INSYN2A: variants seen among roughly 807,000 people sequenced by gnomAD.
The protein encoded by INSYN2A is inhibitory synaptic factor 2A.
A neutral mutation model predicts 39.4 loss-of-function variants in INSYN2A; 17 were observed. The ratio of observed to expected loss-of-function variants is 0.43; its 90% CI spans 0.30 to 0.65. The LOEUF (loss-of-function observed/expected upper bound fraction) is 0.65, where lower values mean the gene tolerates loss of function less well. Ranked by LOEUF, INSYN2A falls within the 30% of genes least tolerant of loss-of-function variation. The pLI is 0.14. For missense variants in INSYN2A, 595 were observed against 631.2 expected (o/e 0.94, Z 0.61); for synonymous variants, 255 against 265.7 (o/e 0.96, Z 0.39).
intron 5 of INSYN2A, among the ~76,000 whole-genome samples, chr10:127,140,152 A>G (rs1434272266): frequency 6.6e-6 from 1 of 152,234 alleles, no homozygotes; most frequent in African/African-American, 2.4e-5. Flanking sequence ...TCCTAGGCTA[A>G]CAGTACAATT....
chr10:127,181,752 G>A (rs994882702), intron 2 of INSYN2A, among the ~76,000 whole-genome samples: 4 of 152,118 alleles, frequency 2.6e-5, no homozygotes, highest in Admixed American at 1.3e-4. Context: ...GGCTTCCACC[G>A]GAAGGGGAGG....
intron 4 of INSYN2A, among the ~76,000 whole-genome samples, chr10:127,171,943 G>A (rs2054611245): frequency 6.6e-6 from 1 of 152,162 alleles, no homozygotes; most frequent in Admixed American, 6.5e-5. Flanking sequence ...GACCTCAAGT[G>A]ATCCACTCGC....
intron 1 of INSYN2A, among the ~76,000 whole-genome samples, chr10:127,193,427 C>T (rs115976163): frequency 2.5e-4 from 38 of 152,276 alleles, no homozygotes; most frequent in African/African-American, 8.9e-4. Flanking sequence ...TGCCCTCCTA[C>T]GTAAATATCT....
Position 127,196,379 on chromosome 10 carries a change from C to T in INSYN2A, c.-777G>A, listed in dbSNP as rs2057150940. Among the ~76,000 whole-genome samples the T allele has an allele frequency of 6.7e-6, 1 of 148,888 alleles. No homozygotes were observed. Among genetic ancestry groups the T allele is most frequent in the East Asian group, 2.0e-4 (1 of 5,104 alleles). On this transcript the variant is annotated 5_prime_UTR_variant, in exon 1 of 6. Coordinates refer to ENST00000522781, the MANE Select transcript of INSYN2A (RefSeq NM_001039762.3). ...CACAGCCACCCGGCTTCGCGCTCCT[C>T]CGATGTCCTCATTTACTGCAATTGT...
At chr10:127,146,461 T>G (rs2051862925) in intron 5 of INSYN2A, among the ~76,000 whole-genome samples, 2 of 152,266 alleles carry the variant, frequency 1.3e-5, no homozygotes, top group Non-Finnish European at 2.9e-5. Flanking sequence ...AGAAAAAACT[T>G]GGATTATTAG....
At chr10:127,144,149 C>G (rs1432294326) in intron 5 of INSYN2A, among the ~76,000 whole-genome samples, 1 of 152,170 alleles carries the variant, frequency 6.6e-6, no homozygotes, top group Non-Finnish European at 1.5e-5. Context: ...AGCTTAGTCT[C>G]CCTCACTCTC....
At position 127,175,952 on chromosome 10, in the gene INSYN2A, T is replaced by C; in HGVS notation, c.444A>G (p.Lys148=). Residue 148 remains lysine (K), a synonymous_variant, in exon 4 of 6, where the codon AAA becomes AAG. Coordinates refer to ENST00000522781, the MANE Select transcript of INSYN2A (RefSeq NM_001039762.3). This position sits in a 1 kb window ranked among gnomAD's most constrained non-coding sequence, Gnocchi z 6.3. ...SQNNGFLTDA[K]EKNEAGPMEE... ...CCATGGGTCCAGCCTCGTTCTTCTCTTTCGCATCTGTTAGAAACCCATTGT... is the reference window on the plus strand; with the variant it reads ...CCATGGGTCCAGCCTCGTTCTTCTCCTTCGCATCTGTTAGAAACCCATTGT... 6.2e-7 allele frequency: 1 copy of C among 1,614,220 alleles called. No homozygotes were observed. Among genetic ancestry groups the C allele is most frequent in the South Asian group, 1.1e-5 (1 of 91,088 alleles).
chr10:127,176,222 C>T lies in INSYN2A; in HGVS notation c.174G>A (p.Glu58=). ...CCGAGGACAGCTGTGTGTCCCTCTG[C>T]TCATTCTGTGCCTCGCAGATATCCT... ...RFKDICEAQN[E]QRDTQLSSGQ... Residue 58 remains glutamate (E), a synonymous_variant, in exon 4 of 6, where the codon GAG becomes GAA. Transcript: ENST00000522781. This position sits in a 1 kb window ranked among gnomAD's most constrained non-coding sequence, Gnocchi z 4.4. The T allele has an allele frequency of 1.2e-6, 2 of 1,614,170 alleles. No individual in the cohort carries two copies. Among genetic ancestry groups the T allele is most frequent in the Non-Finnish European group, 1.7e-6 (2 of 1,180,032 alleles).
At chr10:127,182,296 A>C (rs1245508711) in intron 2 of INSYN2A, among the ~76,000 whole-genome samples, 1 of 152,118 alleles carries the variant, frequency 6.6e-6, no homozygotes, top group Non-Finnish European at 1.5e-5. Flanking sequence ...TTTAGAAAAC[A>C]CTCTTAACGA....
At chr10:127,184,916 C>T (rs2056087058) in intron 2 of INSYN2A, among the ~76,000 whole-genome samples, 1 of 152,326 alleles carries the variant, frequency 6.6e-6, no homozygotes, top group African/African-American at 2.4e-5. Context: ...AGGCACCATA[C>T]TGGATGCTGG....
At chr10:127,164,434 C>T (rs1040785612) in intron 4 of INSYN2A, among the ~76,000 whole-genome samples, 2 of 152,012 alleles carry the variant, frequency 1.3e-5, no homozygotes, top group African/African-American at 2.4e-5. Flanking sequence ...CCACCCGCCT[C>T]GGCCTCCCAG....
chr10:127,142,607 C>G (rs1001967128), intron 5 of INSYN2A, among the ~76,000 whole-genome samples: 3 of 152,154 alleles, frequency 2.0e-5, no homozygotes, highest in Non-Finnish European at 4.4e-5. Context: ...GTAGATTTTG[C>G]TGGGTGAGAA....
rs997881019 is a variant in INSYN2A, at chr10:127,195,842, C to T, written c.-395+155G>A. 2.6e-5 allele frequency among the ~76,000 whole-genome samples: 4 copies of T among 152,186 alleles called. No homozygotes were observed. In the South Asian group the frequency reaches 6.2e-4, roughly 24 times the overall value. ...CGCTCCCGGCTGCACCGGGGTGTCC[C>T]GGCCCCGGGAGCCGCCGAGTTTCCG... is the stretch of plus-strand genomic sequence containing the variant. On this transcript the variant is annotated intron_variant, in intron 1 of 5. Transcript: ENST00000522781.
At chr10:127,140,891 C>G (rs1485533363) in intron 5 of INSYN2A, among the ~76,000 whole-genome samples, 1 of 152,182 alleles carries the variant, frequency 6.6e-6, no homozygotes, top group East Asian at 1.9e-4. Flanking sequence ...CACAGACCTC[C>G]CTCTGTATTT....
intron 4 of INSYN2A, among the ~76,000 whole-genome samples, chr10:127,174,009 G>T (rs574506167): frequency 1.8e-4 from 27 of 152,284 alleles, no homozygotes; most frequent in African/African-American, 6.5e-4. Context: ...GCTGGAGCTG[G>T]GCCTTTCACC....
At chr10:127,148,890 A>G (rs950009253) in intron 5 of INSYN2A, among the ~76,000 whole-genome samples, 3 of 152,156 alleles carry the variant, frequency 2.0e-5, no homozygotes, top group Non-Finnish European at 4.4e-5. Flanking sequence ...GGTCTGCATC[A>G]CAACCGAAGG....
intron 5 of INSYN2A, among the ~76,000 whole-genome samples, chr10:127,148,099 TGAAAGCATGGAGTACACAGCAATGC>T (rs764781829): frequency 2.0e-5 from 3 of 147,556 alleles, no homozygotes; most frequent in Non-Finnish European, 4.5e-5. Context: ...TATCAAACAG[TGAAAGCATGGAGTACACAGCAATGC>T]GTTTCACAAG....
At position 127,175,570 on chromosome 10, in the gene INSYN2A, C is replaced by A. The variant is rs143897472; in HGVS notation, c.826G>T (p.Ala276Ser). The change falls in exon 4 of 6, where the codon GCC becomes TCC. Residue 276 changes from alanine (A) to serine (S), a missense_variant. This residue lies in a region of INSYN2A where 478 missense variants were observed against 467.4 expected (regional missense o/e 1.02). Transcript: ENST00000522781. This position sits in a 1 kb window ranked among gnomAD's most constrained non-coding sequence, Gnocchi z 6.3. ...PEPGLSDSAA[A>S]SQWSLCPADD... is the part of the protein sequence containing the mutation. ...GCCGGGCAGAGTGACCACTGGCTGG[C>A]GGCTGCAGAGTCTGACAAACCAGGC... The A allele has an allele frequency of 1.2e-6, 2 of 1,611,178 alleles. No individual in the cohort carries two copies. Among genetic ancestry groups the A allele is most frequent in the African/African-American group, 2.7e-5 (2 of 74,898 alleles).
rs1436651062 is a variant in INSYN2A at position 127,196,164 on chromosome 10, G to C, written c.-562C>G. The C allele has an allele frequency of 6.6e-6, 1 of 151,122 alleles. No homozygotes were observed. Among genetic ancestry groups the C allele is most frequent in the African/African-American group, 2.4e-5 (1 of 41,288 alleles). 9.4% of individuals were successfully genotyped at this position (151,122 alleles called of 1,614,324 possible). A position where few individuals can be genotyped will look rare whatever the true frequency, so the allele number is the denominator to read the frequency against. On this transcript the variant is annotated 5_prime_UTR_variant, in exon 1 of 6. Transcript: ENST00000522781. Reference sequence around the variant, plus strand: ...AGCCTCGGCTCCGGGGACTTGGCCCGCTGCGCGCCTGCTGCCCGCCCCCTC... The same window carrying C: ...AGCCTCGGCTCCGGGGACTTGGCCCCCTGCGCGCCTGCTGCCCGCCCCCTC...
Sources: allele counts gnomAD v4.1 joint callset (sites outside exome capture counted in the v4.1 genomes callset), GRCh38; gene constraint gnomAD v4.1.1; regional missense constraint gnomAD v4.1.1; non-coding constraint Gnocchi (gnomAD v3.1); transcripts MANE v1.5; gene names NCBI Gene and HGNC (gene_info 2026-07-23, HGNC 2026-07-21).